The following HLA-DRB1 variants were observed in gnomAD, a reference collection of about 807,000 sequenced individuals.
HLA-DRB1 encodes the protein major histocompatibility complex, class II, DR beta 1.
HLA-DRB1 carries 10 observed loss-of-function variants against 27.9 expected under a neutral mutation model. The ratio of observed to expected loss-of-function variants is 0.36; its 90% CI spans 0.22 to 0.61. HLA-DRB1 has a LOEUF of 0.61. Ranked by LOEUF, HLA-DRB1 falls within the 20% of genes least tolerant of loss-of-function variation. The pLI, the probability that HLA-DRB1 is intolerant of heterozygous loss-of-function variation, is 0.73. For missense variants in HLA-DRB1, 118 were observed against 306.3 expected (o/e 0.39, Z 4.59); for synonymous variants, 57 against 126.7 (o/e 0.45, Z 3.69).
At chr6:32,580,955 C>CT (rs373779708) in intron 3 of HLA-DRB1, 99 bp from the exon 4 acceptor site, 2 of 786,786 alleles carry the variant, frequency 2.5e-6, no homozygotes. Context: ...CAGAAAGCTG[C>CT]CTCACAAGAA....
intron 1 of HLA-DRB1, among the ~76,000 whole-genome samples, chr6:32,588,630 T>C (rs41288868): frequency 1.3e-3 from 70 of 54,504 alleles, no homozygotes; most frequent in African/African-American, 2.0e-3. Context: ...ACCTAGGAAA[T>C]TTAGGACAAG....
intron 2 of HLA-DRB1, among the ~76,000 whole-genome samples, chr6:32,582,044 T>C (rs1775611542): frequency 8.4e-6 from 1 of 118,526 alleles, no homozygotes; most frequent in African/African-American, 3.5e-5. Flanking sequence ...TTGTGAAAAA[T>C]TGTGTTTGTT....
intron 1 of HLA-DRB1, among the ~76,000 whole-genome samples, chr6:32,587,511 T>C (rs34775527): frequency 2.9e-3 from 205 of 70,584 alleles, no homozygotes; most frequent in Non-Finnish European, 3.8e-3. Context: ...CTTCTGCCTC[T>C]CCATTTCCTT....
chr6:32,588,805 T>C (rs1461116957), intron 1 of HLA-DRB1, among the ~76,000 whole-genome samples: 1 of 65,084 alleles, frequency 1.5e-5, no homozygotes, highest in African/African-American at 6.2e-5. Flanking sequence ...TAGAATTTCA[T>C]ATAATTTATA....
chr6:32,585,715 T>TAAAA (rs1776294976), intron 1 of HLA-DRB1, among the ~76,000 whole-genome samples: 1 of 91,472 alleles, frequency 1.1e-5, no homozygotes, highest in African/African-American at 4.2e-5. Flanking sequence ...GCAGTATACC[T>TAAAA]AAACCTCACA....
chr6:32,585,061 T>TC (rs796500448), intron 1 of HLA-DRB1, among the ~76,000 whole-genome samples: 16,090 of 85,270 alleles, frequency 0.19, 3,590 homozygotes, highest in Admixed American at 0.2. Context: ...GTATTTTATT[T>TC]GTAACTCTAG....
At chr6:32,586,030 G>T (rs9270052) in intron 1 of HLA-DRB1, among the ~76,000 whole-genome samples, 66,065 of 105,864 alleles carry the variant, frequency 0.62, 19,605 homozygotes, top group Middle Eastern at 0.72. Context: ...ACTGGTATAT[G>T]CTATGTCACT....
intron 1 of HLA-DRB1, among the ~76,000 whole-genome samples, chr6:32,586,257 T>A (rs536735233): frequency 1.7e-5 from 1 of 58,836 alleles, no homozygotes; most frequent in African/African-American, 7.5e-5. Flanking sequence ...AATCCTTCCC[T>A]GAAGCTCTCT....
At chr6:32,586,532 T>G (rs34938170) in intron 1 of HLA-DRB1, among the ~76,000 whole-genome samples, 9,303 of 56,322 alleles carry the variant, frequency 0.17, 100 homozygotes, top group Middle Eastern at 0.26. Flanking sequence ...CTTGGGCTCT[T>G]TCTCAGCCCC....
At chr6:32,589,384 G>T (rs373427525) in intron 1 of HLA-DRB1, among the ~76,000 whole-genome samples, 5,194 of 115,508 alleles carry the variant, frequency 0.045, no homozygotes, top group African/African-American at 0.056. Context: ...AGACCCTGAG[G>T]ACATGTGATG....
chr6:32,582,746 T>G (rs35410585), intron 2 of HLA-DRB1, among the ~76,000 whole-genome samples: 1 of 71,494 alleles, frequency 1.4e-5, no homozygotes. Flanking sequence ...AGGCCTATCA[T>G]TGTAAAATGA....
At chr6:32,589,746 G>C in exon 1 of HLA-DRB1, 1 of 958,444 alleles carries the variant, frequency 1.0e-6, no homozygotes, top group Non-Finnish European at 1.4e-6. Flanking sequence ...ACACCATGCT[G>C]GAGAACAGGA....
At chr6:32,589,372 A>G (rs1348131533) in intron 1 of HLA-DRB1, among the ~76,000 whole-genome samples, 2 of 142,586 alleles carry the variant, frequency 1.4e-5, no homozygotes, top group Non-Finnish European at 1.5e-5. Context: ...TAAATCCTCT[A>G]AAGACCCTGA....
chr6:32,584,824 C>T (rs1164045765), intron 1 of HLA-DRB1, among the ~76,000 whole-genome samples: 1 of 113,842 alleles, frequency 8.8e-6, no homozygotes, highest in African/African-American at 3.9e-5. Context: ...CCTGCGCTGC[C>T]TCTAGGAATC....
chr6:32,582,701 T>C (rs1172903869), intron 2 of HLA-DRB1, among the ~76,000 whole-genome samples: 1 of 89,522 alleles, frequency 1.1e-5, no homozygotes, highest in Non-Finnish European at 2.3e-5. Context: ...AGCTGATCAA[T>C]GCATCTCCCG....
In HLA-DRB1 at chr6:32,581,145, G is replaced by T. The variant is rs28732305; in HGVS notation, c.653-289C>A. 6.4e-4 allele frequency among the ~76,000 whole-genome samples: 45 copies of T among 70,332 alleles called. 1 individual carries two copies. The highest frequency in any genetic ancestry group is 7.2e-3 in the Middle Eastern group (1 of 138). The allele number at this position is 70,332 out of a possible 152,430, so 46.1% of individuals were successfully genotyped here. On this transcript the variant is annotated intron_variant, in intron 3 of 5. Coordinates refer to ENST00000360004, the Ensembl canonical transcript of HLA-DRB1. The stretch of plus-strand genomic sequence containing the variant: ...TAAGTAGTTTGTCTAGAGTGACAAA[G>T]CTAATAAAAAGCAGGGCTGAGATTG...
chr6:32,580,170 C>G (rs9269741), intron 5 of HLA-DRB1, 77 bp downstream of exon 5: 7 of 407,308 alleles, frequency 1.7e-5, no homozygotes, highest in African/African-American at 4.4e-5. Flanking sequence ...GTCCCCACCC[C>G]ACCCAGAAGT....
At chr6:32,585,953 A>G (rs115422397) in intron 1 of HLA-DRB1, among the ~76,000 whole-genome samples, 15,937 of 96,002 alleles carry the variant, frequency 0.17, 2,672 homozygotes, top group Admixed American at 0.19. Flanking sequence ...AAAATGTTAC[A>G]TGGCATATAG....
exon 2 of HLA-DRB1, chr6:32,584,262 C>A: frequency 6.8e-7 from 1 of 1,470,264 alleles, no homozygotes; most frequent in Non-Finnish European, 9.3e-7. Context: ...AACTCCCCCA[C>A]GTCGCTGTCG....
Sources: allele counts gnomAD v4.1 joint callset (sites outside exome capture counted in the v4.1 genomes callset), GRCh38; gene constraint gnomAD v4.1.1; transcripts MANE v1.5; gene names NCBI Gene and HGNC (gene_info 2026-07-23, HGNC 2026-07-21).